CAPN8: variants seen among roughly 807,000 people sequenced by gnomAD.
CAPN8 encodes calpain 8, also known as calpain-8.
In CAPN8, 87 loss-of-function variants were observed where a neutral mutation model predicts 80.9. The observed-to-expected ratio is 1.07, with a 90% CI of 0.90 to 1.28. The LOEUF (loss-of-function observed/expected upper bound fraction) is 1.28. Among genes scored for constraint, CAPN8 ranks in the 50% most tolerant of loss-of-function variants. The probability of loss-of-function intolerance (pLI) is 0.00; values close to 1 mark genes in which losing one functional copy is unlikely to be tolerated. For missense variants in CAPN8, 757 were observed against 702.0 expected (o/e 1.08, Z -0.89); for synonymous variants, 299 against 273.8 (o/e 1.09, Z -0.91).
chr1:223,655,079 G>C (rs1374285615), intron 1 of CAPN8, among the ~76,000 whole-genome samples: 2 of 151,932 alleles, frequency 1.3e-5, no homozygotes, highest in Non-Finnish European at 2.9e-5. Context: ...TAGGAGAAAG[G>C]CAAAGGCTGA....
At chr1:223,647,122 TGACAC>T (rs1658213088) in intron 2 of CAPN8, among the ~76,000 whole-genome samples, 1 of 152,126 alleles carries the variant, frequency 6.6e-6, no homozygotes, top group Non-Finnish European at 1.5e-5. Context: ...TCTGAGTAGG[TGACAC>T]TGGAGAACAC....
rs1268355263 is a variant in CAPN8, at chr1:223,616,196, G to A, written c.1136-51C>T. On this transcript the variant is annotated intron_variant, in intron 9 of 20. Coordinates refer to ENST00000366872, the MANE Select transcript of CAPN8 (RefSeq NM_001143962.2). ...TTCCCCACGTAGCGGGTGAGGAGAT[G>A]AAGAAGAATAAAGTAAAAGGGAAGA... is the stretch of plus-strand genomic sequence containing the variant. 4.7e-6 allele frequency: 7 copies of A among 1,504,556 alleles called. No individual in the cohort carries two copies. In the Admixed American group the frequency reaches 1.1e-4, roughly 23 times the overall value. The allele number at this position is 1,504,556 out of a possible 1,614,324, so 93.2% of individuals were successfully genotyped here. A position where few individuals can be genotyped will look rare whatever the true frequency, so the allele number is the denominator to read the frequency against.
chr1:223,549,457 G>A (rs1049954706), intron 15 of CAPN8, 75 bp from the exon 16 acceptor site: 2 of 1,545,148 alleles, frequency 1.3e-6, no homozygotes, highest in Non-Finnish European at 1.7e-6. Flanking sequence ...CACGGTAGAA[G>A]ACCTCCAAAG....
At position 223,543,132 on chromosome 1, in the gene CAPN8, GC is replaced by G. The variant is rs1187462063; in HGVS notation, c.2063del (p.Gly688AlafsTer42). The G allele has an allele frequency of 3.9e-6, 6 of 1,551,572 alleles. No individual in the cohort carries two copies. Among genetic ancestry groups the G allele is most frequent in the African/African-American group, 1.4e-5 (1 of 73,042 alleles). On this transcript the variant is annotated frameshift_variant, in exon 20 of 21. Transcript: ENST00000366872. LOFTEE classifies it high-confidence loss of function. ...CCTCGGCCAGAGAGAGCTGAACCAT[GC>G]CATCCTTGTCTTCGTCCAGAAGGCT... Reference protein sequence around the residue: ...LFSLLDEDKDGMVQLSLAEWL... With the variant: ...LFSLLDEDKDXMVQLSLAEWL...
intron 1 of CAPN8, among the ~76,000 whole-genome samples, chr1:223,655,856 C>T (rs1416629082): frequency 2.0e-5 from 3 of 152,110 alleles, no homozygotes; most frequent in East Asian, 1.9e-4. Context: ...AGGGACAAAA[C>T]GGAAGTCAGC....
rs374012810 is a variant in CAPN8, at chr1:223,544,135, G to T, written c.1961C>A (p.Ala654Glu). Residue 654 changes from alanine (A) to glutamate (E), a missense_variant, in exon 19 of 21, where the codon GCG becomes GAG. By Grantham distance (107) the Ala-to-Glu change is moderately radical (BLOSUM62 -1). Transcript: ENST00000366872. ...AAAGTTGATGCCAAGCTTGCTGCAC[G>T]CATACCGCAGGGCAATGGTCTGCTG... is the stretch of plus-strand genomic sequence containing the variant. ...QVQQTIALRYACSKLGINFDS... is the reference protein window; with the variant it reads ...QVQQTIALRYECSKLGINFDS... 1.4e-6 allele frequency: 1 copy of T among 718,178 alleles called. No homozygotes were observed. Among genetic ancestry groups the T allele is most frequent in the Non-Finnish European group, 2.6e-6 (1 of 385,106 alleles). 44.5% of individuals were successfully genotyped at this position (718,178 alleles called of 1,614,324 possible).
intron 2 of CAPN8, among the ~76,000 whole-genome samples, chr1:223,649,474 G>C (rs1003024617): frequency 4.6e-5 from 7 of 152,162 alleles, no homozygotes; most frequent in African/African-American, 1.7e-4. Flanking sequence ...CTGCTTCCAG[G>C]ACATCCTTCC....
intron 9 of CAPN8, chr1:223,618,208 C>T (rs1242138967): frequency 2.6e-6 from 4 of 1,549,674 alleles, no homozygotes; most frequent in Non-Finnish European, 3.5e-6. Context: ...CTTCATTTCT[C>T]CTTAGAGATG....
At chr1:223,551,856 C>A (rs985771760) in intron 14 of CAPN8, among the ~76,000 whole-genome samples, 1 of 152,188 alleles carries the variant, frequency 6.6e-6, no homozygotes, top group Non-Finnish European at 1.5e-5. Context: ...TTGGTTCACC[C>A]CAAAGTGCCG....
intron 2 of CAPN8, among the ~76,000 whole-genome samples, chr1:223,634,854 G>A (rs559733132): frequency 8.5e-4 from 130 of 152,294 alleles, no homozygotes; most frequent in Middle Eastern, 3.4e-3. Flanking sequence ...TGGCGGGAGC[G>A]GGGACAGATA....
At position 223,541,753 on chromosome 1, in the gene CAPN8, T is replaced by A; in HGVS notation, c.*83A>T. On this transcript the variant is annotated 3_prime_UTR_variant, in exon 21 of 21. Transcript: ENST00000366872. ...ACAACCAGTGAATGCCACTGGAGCA[T>A]AAATGTTCACAAAATTGTAGAGAAG... 1 of 1,548,540 alleles carries A rather than the reference T, an allele frequency of 6.5e-7. No homozygotes were observed. The highest frequency in any genetic ancestry group is 1.2e-5 in the South Asian group (1 of 83,956).
chr1:223,661,490 C>G (rs538408964), intron 1 of CAPN8, among the ~76,000 whole-genome samples: 2 of 152,168 alleles, frequency 1.3e-5, no homozygotes, highest in South Asian at 4.1e-4. Context: ...ATTTGTTGGG[C>G]ATTGTTACGA....
At chr1:223,633,043 A>C (rs1657817506) in intron 2 of CAPN8, among the ~76,000 whole-genome samples, 2 of 152,344 alleles carry the variant, frequency 1.3e-5, no homozygotes, top group Admixed American at 1.3e-4. Context: ...AGTGCAGAGC[A>C]GAGCACAGTG....
chr1:223,659,139 G>A (rs1392989441), intron 1 of CAPN8, among the ~76,000 whole-genome samples: 3 of 152,136 alleles, frequency 2.0e-5, no homozygotes, highest in Non-Finnish European at 4.4e-5. Flanking sequence ...TGATGACCAG[G>A]CCTAAGGAAA....
intron 2 of CAPN8, among the ~76,000 whole-genome samples, chr1:223,648,020 A>G (rs934986438): frequency 6.6e-6 from 1 of 152,178 alleles, no homozygotes; most frequent in East Asian, 1.9e-4. Context: ...TCTCCACGCA[A>G]AGCAGAATTC....
chr1:223,544,939 G>T, intron 17 of CAPN8, 89 bp from the exon 18 acceptor site: 1 of 1,539,794 alleles, frequency 6.5e-7, no homozygotes, highest in Non-Finnish European at 8.7e-7. Flanking sequence ...TTTCTCAAAA[G>T]GCCAGGGACA....
At chr1:223,662,850 C>T (rs1377178053) in intron 1 of CAPN8, among the ~76,000 whole-genome samples, 1 of 152,190 alleles carries the variant, frequency 6.6e-6, no homozygotes, top group Non-Finnish European at 1.5e-5. Context: ...GCATGTTCCT[C>T]ATAGAGATAG....
rs1259350526 is a variant in CAPN8 at position 223,628,121 on chromosome 1, C to G, written c.448G>C (p.Val150Leu). The G allele has an allele frequency of 1.9e-6, 3 of 1,550,276 alleles. No individual in the cohort carries two copies. The highest frequency in any genetic ancestry group is 2.7e-5 in the African/African-American group (2 of 73,114). Residue 150 changes from valine (V) to leucine (L), a missense_variant, in exon 4 of 21, where the codon GTG becomes CTG. Val to Leu is a conservative substitution (Grantham distance 32). Transcript: ENST00000366872. The part of the protein sequence containing the change: ...HFQFWQYGEW[V>L]EVVIDDRLPT... Reference sequence around the variant, plus strand: ...AGCCTGTCGTCAATGACCACCTCCACCCACTCTCCGTACTGCCAGAACTGG... The same window carrying G: ...AGCCTGTCGTCAATGACCACCTCCAGCCACTCTCCGTACTGCCAGAACTGG...
intron 15 of CAPN8, among the ~76,000 whole-genome samples, chr1:223,550,124 C>A (rs1558336456): frequency 6.6e-6 from 1 of 152,136 alleles, no homozygotes; most frequent in Non-Finnish European, 1.5e-5. Context: ...CTTCCATATA[C>A]CTGGGAGCCA....
Sources: allele counts gnomAD v4.1 joint callset (sites outside exome capture counted in the v4.1 genomes callset), GRCh38; gene constraint gnomAD v4.1.1; transcripts MANE v1.5; gene names NCBI Gene and HGNC (gene_info 2026-07-23, HGNC 2026-07-21).